The following LPAR3 variants were observed in gnomAD, a reference collection of about 807,000 sequenced individuals.
LPAR3 encodes the protein lysophosphatidic acid receptor 3.
Under a neutral mutation model 17.8 loss-of-function variants are expected in LPAR3, and 7 were observed. That is an observed-to-expected ratio of 0.39 (90% confidence interval 0.22 to 0.74). The LOEUF is 0.74. Among genes scored for constraint, LPAR3 ranks in the 30% least tolerant of loss-of-function variants. LPAR3 has a pLI of 0.40. For synonymous variants in LPAR3, 179 were observed against 179.9 expected (o/e 0.99, Z 0.04); for missense variants, 391 against 453.4 (o/e 0.86, Z 1.25).
At chr1:84,847,758 T>A (rs919034584) in intron 2 of LPAR3, among the ~76,000 whole-genome samples, 11 of 152,200 alleles carry the variant, frequency 7.2e-5, no homozygotes, top group Admixed American at 1.3e-4. Flanking sequence ...AGAGGATGCA[T>A]CTACCCTTCC....
rs1212423247 is a variant in LPAR3 at position 84,812,692 on chromosome 1, CA to C, written c.*1153del. 1 of 152,400 alleles carries C rather than the reference CA, an allele frequency of 6.6e-6. No individual in the cohort carries two copies. 9.4% of individuals were successfully genotyped at this position (152,400 alleles called of 1,614,324 possible). ...AAGTGATCCACCTGCCTCAGCCTCC[CA>C]AAGTGCTGGGATTACAGGCATGAGC... On this transcript the variant is annotated 3_prime_UTR_variant, in exon 3 of 3. Transcript: ENST00000370611.
At chr1:84,860,617 C>T (rs974819201) in intron 2 of LPAR3, among the ~76,000 whole-genome samples, 7 of 152,094 alleles carry the variant, frequency 4.6e-5, no homozygotes, top group South Asian at 2.1e-4. Flanking sequence ...ATTAAGCTCA[C>T]TGAATTCATG....
At chr1:84,881,318 A>AGAACCTTTTCCTTCTCAC (rs1410733533) in intron 1 of LPAR3, among the ~76,000 whole-genome samples, 3 of 152,188 alleles carry the variant, frequency 2.0e-5, no homozygotes, top group Non-Finnish European at 2.9e-5. Context: ...CACCTGGCAC[A>AGAACCTTTTCCTTCTCAC]CTGCTGATCT....
intron 1 of LPAR3, among the ~76,000 whole-genome samples, chr1:84,869,771 G>C (rs1660122965): frequency 6.6e-6 from 1 of 152,082 alleles, no homozygotes; most frequent in Non-Finnish European, 1.5e-5. Context: ...TACAATTATG[G>C]CTTTGAAAAA....
rs545349361 is a variant in LPAR3, at chr1:84,847,547, G to T, written c.736+17838C>A. Among the ~76,000 whole-genome samples, 45 of 152,354 alleles carry T rather than the reference G, an allele frequency of 3.0e-4. 1 individual carries two copies. The South Asian group carries it at 8.1e-3, about 27-fold the overall frequency. Reference sequence around the variant, plus strand: ...CAGTTGGAGTCCATCAACAAGCCCAGGAAGCAAGTCCAGCTCCTATCAGGG... The same window carrying T: ...CAGTTGGAGTCCATCAACAAGCCCATGAAGCAAGTCCAGCTCCTATCAGGG... On this transcript the variant is annotated intron_variant, in intron 2 of 2. Transcript: ENST00000370611.
chr1:84,850,660 C>T (rs1438192715), intron 2 of LPAR3, among the ~76,000 whole-genome samples: 1 of 152,206 alleles, frequency 6.6e-6, no homozygotes, highest in Non-Finnish European at 1.5e-5. Flanking sequence ...AGTCCCAACC[C>T]TAACCAAAGA....
chr1:84,835,467 G>A (rs117584478), intron 2 of LPAR3, among the ~76,000 whole-genome samples: 3,530 of 152,194 alleles, frequency 0.023, 68 homozygotes, highest in Admixed American at 0.036. Flanking sequence ...GTGTGTGTAC[G>A]TGTGTGTACG....
chr1:84,835,718 CCTT>C (rs1351369314), intron 2 of LPAR3, among the ~76,000 whole-genome samples: 1 of 152,122 alleles, frequency 6.6e-6, no homozygotes, highest in African/African-American at 2.4e-5. Flanking sequence ...CTCTGGCACT[CCTT>C]GAGATTCTTG....
At chr1:84,891,512 GGT>G (rs1660551868) in intron 1 of LPAR3, among the ~76,000 whole-genome samples, 1 of 152,170 alleles carries the variant, frequency 6.6e-6, no homozygotes, top group African/African-American at 2.4e-5. Flanking sequence ...ACAGAGCCAA[GGT>G]GTGTGTTTCT....
chr1:84,878,913 A>T (rs1328657249), intron 1 of LPAR3, among the ~76,000 whole-genome samples: 1 of 152,134 alleles, frequency 6.6e-6, no homozygotes, highest in African/African-American at 2.4e-5. Context: ...CCTAGTCCTG[A>T]CTACTATAGT....
intron 2 of LPAR3, among the ~76,000 whole-genome samples, chr1:84,831,910 C>T (rs1659291359): frequency 6.6e-6 from 1 of 151,252 alleles, no homozygotes; most frequent in South Asian, 2.1e-4. Context: ...CACATACACA[C>T]ACATACTTTA....
chr1:84,814,251 C>T, intron 2 of LPAR3, 80 bp from the exon 3 acceptor site: 4 of 1,191,708 alleles, frequency 3.4e-6, no homozygotes, highest in African/African-American at 3.0e-5. Flanking sequence ...CAGCCTTTAG[C>T]CAGTGGCATC....
At chr1:84,854,088 C>T (rs1659771122) in intron 2 of LPAR3, among the ~76,000 whole-genome samples, 1 of 152,214 alleles carries the variant, frequency 6.6e-6, no homozygotes, top group African/African-American at 2.4e-5. Context: ...ACCCTAGGAT[C>T]CAAGGCCTTC....
chr1:84,823,789 AGCTATTATATCAAGG>A (rs1281837864), intron 2 of LPAR3, among the ~76,000 whole-genome samples: 2 of 152,164 alleles, frequency 1.3e-5, no homozygotes, highest in Non-Finnish European at 2.9e-5. Context: ...ATACTTCACT[AGCTATTATATCAAGG>A]GCTCTGTGGC....
chr1:84,829,180 T>TG lies in LPAR3; in HGVS notation c.737-15010dup, dbSNP rs1553146935. ...TTTTTTTTTTTTTTTTTTTTTTTTT[T>TG]GCTTATTGGTTGATTGGTGGATGGA... On this transcript the variant is annotated intron_variant, in intron 2 of 2. Coordinates refer to ENST00000370611, the MANE Select transcript of LPAR3 (RefSeq NM_012152.3). 4.2e-3 allele frequency among the ~76,000 whole-genome samples: 526 copies of TG among 123,840 alleles called. 11 individuals carry two copies. Among genetic ancestry groups the TG allele is most frequent in the South Asian group, 0.011 (40 of 3,510 alleles). The allele number at this position is 123,840 out of a possible 152,430, so 81.2% of individuals were successfully genotyped here.
chr1:84,847,364 G>A lies in LPAR3; in HGVS notation c.736+18021C>T, dbSNP rs544811223. Among the ~76,000 whole-genome samples the A allele has an allele frequency of 4.6e-5, 7 of 152,324 alleles. No homozygotes were observed. In the South Asian group the frequency reaches 1.4e-3, roughly 32 times the overall value. On this transcript the variant is annotated intron_variant, in intron 2 of 2. Coordinates refer to ENST00000370611, the MANE Select transcript of LPAR3 (RefSeq NM_012152.3). ...ATCACTGGATTAGAAACCAGCATGT[G>A]TGTGTGGGAGTGGAGGGAGAGCTCA...
intron 1 of LPAR3, among the ~76,000 whole-genome samples, chr1:84,871,966 C>G (rs1416202566): frequency 6.6e-6 from 1 of 152,192 alleles, no homozygotes; most frequent in Non-Finnish European, 1.5e-5. Flanking sequence ...TTCTCCACAG[C>G]ATTTCTCCAT....
chr1:84,890,238 G>A (rs1660528579), intron 1 of LPAR3, among the ~76,000 whole-genome samples: 1 of 93,952 alleles, frequency 1.1e-5, no homozygotes, highest in African/African-American at 4.1e-5. Context: ...AGGAACAAAA[G>A]GCCCATGGCC....
At chr1:84,879,746 T>G (rs995737496) in intron 1 of LPAR3, among the ~76,000 whole-genome samples, 4 of 152,140 alleles carry the variant, frequency 2.6e-5, no homozygotes, top group Non-Finnish European at 5.9e-5. Flanking sequence ...ACCACTAGAA[T>G]GTAAGCATAA....
Sources: gnomAD v4.1 joint callset for allele counts (sites outside exome capture counted in the v4.1 genomes callset) on GRCh38, gnomAD v4.1.1 for gene constraint, MANE v1.5 for transcripts, NCBI Gene and HGNC (gene_info 2026-07-23, HGNC 2026-07-21) for gene names.